JMJD1C: variants seen among roughly 807,000 people sequenced by gnomAD.
JMJD1C encodes the protein jumonji domain containing 1C.
A neutral mutation model predicts 245.3 loss-of-function variants in JMJD1C; 31 were observed. The ratio of observed to expected loss-of-function variants is 0.13; its 90% CI spans 0.09 to 0.17. JMJD1C has a LOEUF of 0.17. JMJD1C is among the 10% of genes least tolerant of loss of function. The pLI, the probability that JMJD1C is intolerant of heterozygous loss-of-function variation, is 1.00. For missense variants in JMJD1C, 2,691 were observed against 3,000.2 expected (o/e 0.90, Z 2.41); for synonymous variants, 1,057 against 1,017.4 (o/e 1.04, Z -0.74).
chr10:63,454,260 T>A (rs1404850346), intron 1 of JMJD1C, among the ~76,000 whole-genome samples: 1 of 151,254 alleles, frequency 6.6e-6, no homozygotes, highest in African/African-American at 2.4e-5. Flanking sequence ...GAAATTGATT[T>A]TTTTTTTTTT....
chr10:63,310,999 G>T (rs1939109132), intron 2 of JMJD1C, among the ~76,000 whole-genome samples: 1 of 152,100 alleles, frequency 6.6e-6, no homozygotes, highest in African/African-American at 2.4e-5. Context: ...CTTTCAAAAA[G>T]AAGTGATGGG....
At chr10:63,208,910 G>T in intron 9 of JMJD1C, 109 bp from the exon 10 acceptor site, 1 of 1,035,050 alleles carries the variant, frequency 9.7e-7, no homozygotes, top group South Asian at 1.7e-5. Flanking sequence ...ATCTTTGCAT[G>T]TACTCTAATA....
At chr10:63,178,064 T>C (rs1467181989) in intron 22 of JMJD1C, among the ~76,000 whole-genome samples, 2 of 152,182 alleles carry the variant, frequency 1.3e-5, no homozygotes, top group Admixed American at 1.3e-4. Flanking sequence ...CCTCAGCCTC[T>C]CAAGTAGCTG....
At chr10:63,380,267 T>C (rs1303034887) in intron 2 of JMJD1C, 51 bp downstream of exon 2, 3 of 1,588,512 alleles carry the variant, frequency 1.9e-6, no homozygotes, top group Non-Finnish European at 2.6e-6. Context: ...TGTTGTTCTT[T>C]GTTTTAAACG....
chr10:63,319,014 A>C lies in JMJD1C; in HGVS notation c.334-54250T>G, dbSNP rs75709545. 5.8e-3 allele frequency among the ~76,000 whole-genome samples: 890 copies of C among 152,240 alleles called. 5 individuals are homozygous for C. Among genetic ancestry groups the C allele is most frequent in the African/African-American group, 0.016 (661 of 41,536 alleles). On this transcript the variant is annotated intron_variant, in intron 2 of 25. Coordinates refer to ENST00000399262, the MANE Select transcript of JMJD1C (RefSeq NM_032776.3). ...TCAAACCTTAAAAAATGCTCCCAGC[A>C]CTCTGGGAGGCCAAGGTGGGCGGAT...
intron 1 of JMJD1C, among the ~76,000 whole-genome samples, chr10:63,520,627 A>G (rs1047505282): frequency 6.6e-6 from 1 of 152,202 alleles, no homozygotes; most frequent in Admixed American, 6.5e-5. Context: ...GCTGTAATAT[A>G]GTTGTAAATC....
intron 1 of JMJD1C, among the ~76,000 whole-genome samples, chr10:63,457,921 AGCT>A (rs1952519607): frequency 6.6e-6 from 1 of 152,190 alleles, no homozygotes; most frequent in Admixed American, 6.5e-5. Flanking sequence ...ACAGATTGTG[AGCT>A]GCTGTTTTTC....
chr10:63,297,110 C>T (rs60133469), intron 2 of JMJD1C, among the ~76,000 whole-genome samples: 3,280 of 152,200 alleles, frequency 0.022, 116 homozygotes, highest in African/African-American at 0.073. Context: ...TTAGTTGTGT[C>T]GACAGCGAAG....
At chr10:63,463,238 C>A (rs1454208997) in intron 1 of JMJD1C, among the ~76,000 whole-genome samples, 1 of 152,118 alleles carries the variant, frequency 6.6e-6, no homozygotes, top group Non-Finnish European at 1.5e-5. Context: ...AATCTTGGCT[C>A]ACTGCAGTCT....
At chr10:63,348,849 C>T (rs1051417313) in intron 2 of JMJD1C, among the ~76,000 whole-genome samples, 11 of 151,962 alleles carry the variant, frequency 7.2e-5, no homozygotes, top group African/African-American at 2.2e-4. Flanking sequence ...GCCTGTAATC[C>T]CAGCACTTTG....
intron 3 of JMJD1C, among the ~76,000 whole-genome samples, chr10:63,233,694 T>G (rs1850287120): frequency 6.6e-6 from 1 of 150,530 alleles, no homozygotes; most frequent in African/African-American, 2.4e-5. Flanking sequence ...TAGAAAGATT[T>G]TATATATATA....
chr10:63,402,195 A>G (rs1948907104), intron 1 of JMJD1C, among the ~76,000 whole-genome samples: 1 of 152,138 alleles, frequency 6.6e-6, no homozygotes, highest in Non-Finnish European at 1.5e-5. Context: ...GCAAACATAC[A>G]AAGGGCTAAA....
chr10:63,491,228 T>C lies in JMJD1C; in HGVS notation n.113+30510A>G, dbSNP rs1954165321. 2.0e-5 allele frequency among the ~76,000 whole-genome samples: 3 copies of C among 152,132 alleles called. No homozygotes were observed. In the South Asian group the frequency reaches 6.2e-4, roughly 31 times the overall value. ...TTTTCTATTACCTTCCTCATCTCAT[T>C]TTACTATTATAACTTTTCTTTTTCA... is the stretch of plus-strand genomic sequence containing the variant. On this transcript the variant is annotated intron_variant and non_coding_transcript_variant, in intron 1 of 3. Transcript: ENST00000633035.
chr10:63,268,720 A>G (rs529550089), intron 2 of JMJD1C: 344 of 984,828 alleles, frequency 3.5e-4, no homozygotes, highest in Non-Finnish European at 3.9e-4. Context: ...ACAAGGCTTT[A>G]AAGGTCAGTA....
intron 17 of JMJD1C, among the ~76,000 whole-genome samples, chr10:63,190,461 G>C (rs768595096): frequency 2.0e-5 from 3 of 152,206 alleles, no homozygotes; most frequent in African/African-American, 7.2e-5. Context: ...CTCAGTCTCC[G>C]AAAGTGCTGG....
intron 2 of JMJD1C, among the ~76,000 whole-genome samples, chr10:63,343,421 T>C (rs1459843508): frequency 6.6e-6 from 1 of 151,616 alleles, no homozygotes; most frequent in African/African-American, 2.4e-5. Context: ...CATGGACTAA[T>C]GAAGTACATA....
intron 2 of JMJD1C, among the ~76,000 whole-genome samples, chr10:63,328,682 G>A (rs1377837597): frequency 6.6e-6 from 1 of 152,188 alleles, no homozygotes; most frequent in Non-Finnish European, 1.5e-5. Context: ...TTTTGAGGGT[G>A]TACAGACATG....
chr10:63,217,292 C>T lies in JMJD1C; in HGVS notation c.593G>A (p.Arg198Lys). 2 of 1,608,592 alleles carry T rather than the reference C, an allele frequency of 1.2e-6. No individual in the cohort carries two copies. Among genetic ancestry groups the T allele is most frequent in the Non-Finnish European group, 1.7e-6 (2 of 1,176,004 alleles). The part of the protein sequence containing the change: ...SLNGYRVRVY[R>K]QDSATQWFTG... ...AAACCACTGGGTGGCAGAGTCTTGT[C>T]TATATACTCTCACTCTGTATCCATT... Residue 198 changes from arginine (R) to lysine (K), a missense_variant, in exon 5 of 26, where the codon AGA (arginine) becomes AAA (lysine). Coordinates refer to ENST00000399262, the MANE Select transcript of JMJD1C (RefSeq NM_032776.3).
chr10:63,463,048 G>A (rs1952907550), intron 1 of JMJD1C, among the ~76,000 whole-genome samples: 1 of 151,956 alleles, frequency 6.6e-6, no homozygotes, highest in Non-Finnish European at 1.5e-5. Context: ...CCTGCCTGGT[G>A]TATCCAGCCA....
Sources: allele counts gnomAD v4.1 joint callset (sites outside exome capture counted in the v4.1 genomes callset), GRCh38; gene constraint gnomAD v4.1.1; transcripts MANE v1.5; gene names NCBI Gene and HGNC (gene_info 2026-07-23, HGNC 2026-07-21).